Variants in ASB3 observed in about 807,000 individuals in gnomAD.
ASB3 encodes the protein ankyrin repeat and SOCS box containing 3.
Under a neutral mutation model 54.5 loss-of-function variants are expected in ASB3, and 41 were observed. That is an observed-to-expected ratio of 0.75 (90% CI 0.59 to 0.98). The LOEUF (loss-of-function observed/expected upper bound fraction) is 0.98, where lower values mean the gene tolerates loss of function less well. Among genes scored for constraint, ASB3 ranks in the 50% least tolerant of loss-of-function variants. The probability of loss-of-function intolerance (pLI) is 0.00; values close to 1 mark genes in which losing one functional copy is unlikely to be tolerated. For missense variants in ASB3, 733 were observed against 620.0 expected (o/e 1.18, Z -1.94); for synonymous variants, 266 against 221.2 (o/e 1.20, Z -1.80).
At chr2:53,711,951 G>C (rs943040376) in intron 7 of ASB3, among the ~76,000 whole-genome samples, 11 of 152,152 alleles carry the variant, frequency 7.2e-5, no homozygotes, top group African/African-American at 2.6e-4. Flanking sequence ...GGCTGTAGTG[G>C]AATTACTCCA....
intron 3 of ASB3, among the ~76,000 whole-genome samples, chr2:53,738,950 G>C (rs1359934842): frequency 1.3e-5 from 2 of 152,112 alleles, no homozygotes; most frequent in Non-Finnish European, 2.9e-5. Context: ...ATCCAAACAG[G>C]TAAGACTCCA....
intron 3 of ASB3, among the ~76,000 whole-genome samples, chr2:53,745,470 G>A (rs982104033): frequency 6.6e-6 from 1 of 152,104 alleles, no homozygotes; most frequent in African/African-American, 2.4e-5. Context: ...TTAAAATGTT[G>A]GTGAGCTCTG....
At chr2:53,735,681 G>C (rs1671589037) in intron 3 of ASB3, among the ~76,000 whole-genome samples, 1 of 151,430 alleles carries the variant, frequency 6.6e-6, no homozygotes, top group Admixed American at 6.6e-5. Flanking sequence ...GAATGTAAAG[G>C]GCCAAATAAA....
intron 9 of ASB3, among the ~76,000 whole-genome samples, chr2:53,679,455 T>C (rs1275252492): frequency 2.0e-5 from 3 of 152,136 alleles, no homozygotes; most frequent in African/African-American, 7.2e-5. Flanking sequence ...GCTACAAATT[T>C]ATCTCTGTCC....
At chr2:53,743,588 G>A (rs1421551612) in intron 3 of ASB3, among the ~76,000 whole-genome samples, 1 of 152,108 alleles carries the variant, frequency 6.6e-6, no homozygotes, top group Admixed American at 6.6e-5. Context: ...AGTTATGTAA[G>A]AACAATATAA....
At chr2:53,747,457 A>T (rs1672288190) in intron 3 of ASB3, among the ~76,000 whole-genome samples, 1 of 152,170 alleles carries the variant, frequency 6.6e-6, no homozygotes, top group South Asian at 2.1e-4. Flanking sequence ...GAGGCAGGAG[A>T]AACACTTGAA....
intron 2 of ASB3, among the ~76,000 whole-genome samples, chr2:53,752,920 T>G (rs982410382): frequency 2.0e-5 from 3 of 152,104 alleles, no homozygotes; most frequent in Non-Finnish European, 4.4e-5. Flanking sequence ...CCAAGGAACT[T>G]TCTCTTGTAA....
At chr2:53,784,768 T>G (rs971112361) in intron 1 of ASB3, among the ~76,000 whole-genome samples, 3 of 152,162 alleles carry the variant, frequency 2.0e-5, no homozygotes, top group Non-Finnish European at 4.4e-5. Flanking sequence ...TATGACCTCA[T>G]CCTTACTTGA....
intron 3 of ASB3, among the ~76,000 whole-genome samples, chr2:53,732,730 A>G (rs1163774058): frequency 6.6e-6 from 1 of 152,254 alleles, no homozygotes; most frequent in Non-Finnish European, 1.5e-5. Context: ...TAAAACTTAC[A>G]CATGAGCAGA....
Position 53,670,824 on chromosome 2 carries a change from C to T in ASB3, c.1370-134G>A. ...TGCTTGAAAGAAGACTACTTTGAGT[C>T]AGTATGACCACAATAAACCTTATTT... On this transcript the variant is annotated intron_variant, in intron 9 of 9. Transcript: ENST00000263634. 4 of 1,018,574 alleles carry T rather than the reference C, an allele frequency of 3.9e-6. No homozygotes were observed. The South Asian group carries it at 5.4e-5, about 14-fold the overall frequency. The allele number at this position is 1,018,574 out of a possible 1,614,324, so 63.1% of individuals were successfully genotyped here.
At position 53,768,253 on chromosome 2, in the gene ASB3, G is replaced by A. The variant is rs143995471; in HGVS notation, c.-13-2668C>T. 1.3e-3 allele frequency: 626 copies of A among 486,576 alleles called. 2 individuals carry two copies. Among genetic ancestry groups the A allele is most frequent in the Admixed American group, 2.5e-3 (72 of 28,322 alleles). 30.1% of individuals were successfully genotyped at this position (486,576 alleles called of 1,614,324 possible). A position where few individuals can be genotyped will look rare whatever the true frequency, so the allele number is the denominator to read the frequency against. The stretch of plus-strand genomic sequence containing the variant: ...ATGCCGGTGGTTAGTCTCTAGAGAC[G>A]GCGAGAAGCGCGGGCACAGGCGCAC... On this transcript the variant is annotated intron_variant, in intron 1 of 9. Coordinates refer to ENST00000263634, the MANE Select transcript of ASB3 (RefSeq NM_016115.5).
At chr2:53,731,929 A>G (rs904796448) in intron 3 of ASB3, among the ~76,000 whole-genome samples, 5 of 152,122 alleles carry the variant, frequency 3.3e-5, no homozygotes, top group Non-Finnish European at 5.9e-5. Flanking sequence ...CTGGGATTAC[A>G]GGCGTGAGCC....
intron 1 of ASB3, 25 bp from the exon 2 acceptor site, chr2:53,765,610 T>A (rs779829596): frequency 6.2e-7 from 1 of 1,613,222 alleles, no homozygotes; most frequent in South Asian, 1.1e-5. Flanking sequence ...AGAAGGATAA[T>A]ACTATAGTCA....
intron 9 of ASB3, among the ~76,000 whole-genome samples, chr2:53,684,390 G>A (rs1459617286): frequency 1.3e-5 from 2 of 152,148 alleles, no homozygotes; most frequent in Non-Finnish European, 2.9e-5. Context: ...CATTATTATT[G>A]CTTTTACTAT....
intron 2 of ASB3, among the ~76,000 whole-genome samples, chr2:53,753,250 A>G (rs1206515216): frequency 6.6e-6 from 1 of 152,222 alleles, no homozygotes; most frequent in African/African-American, 2.4e-5. Flanking sequence ...CTGCACATAA[A>G]CACTATAGTC....
chr2:53,683,965 T>A (rs1257047553), intron 9 of ASB3, among the ~76,000 whole-genome samples: 1 of 152,196 alleles, frequency 6.6e-6, no homozygotes, highest in African/African-American at 2.4e-5. Flanking sequence ...TCTGCTCTGA[T>A]CTTTATTATT....
In ASB3 at chr2:53,769,715, G is replaced by A. The variant is rs557866037; in HGVS notation, c.-13-4130C>T. ...TACAAAATTAGCTGGGCGTGGTGGC[G>A]CACGCCAGTAGAGTCCCAGCTACTC... is the stretch of plus-strand genomic sequence containing the variant. On this transcript the variant is annotated intron_variant, in intron 1 of 9. Coordinates refer to ENST00000263634, the MANE Select transcript of ASB3 (RefSeq NM_016115.5). 8.5e-5 allele frequency among the ~76,000 whole-genome samples: 13 copies of A among 152,310 alleles called. No individual in the cohort carries two copies. The South Asian group carries it at 1.0e-3, about 12-fold the overall frequency.
intron 7 of ASB3, among the ~76,000 whole-genome samples, chr2:53,711,424 T>C (rs970756651): frequency 2.0e-5 from 3 of 152,180 alleles, no homozygotes; most frequent in Non-Finnish European, 4.4e-5. Context: ...CTGACTGATA[T>C]TAGCTGCTGG....
chr2:53,679,360 T>A (rs957566674), intron 9 of ASB3, among the ~76,000 whole-genome samples: 2 of 151,978 alleles, frequency 1.3e-5, no homozygotes, highest in African/African-American at 4.8e-5. Flanking sequence ...CTCACTTCAA[T>A]CTCCTCCTCA....
Sources: allele counts gnomAD v4.1 joint callset (sites outside exome capture counted in the v4.1 genomes callset), GRCh38; gene constraint gnomAD v4.1.1; transcripts MANE v1.5; gene names NCBI Gene and HGNC (gene_info 2026-07-23, HGNC 2026-07-21).